Variants in ARID4B observed in about 807,000 individuals in gnomAD.
ARID4B encodes the protein AT-rich interactive domain-containing protein 4B.
Under a neutral mutation model 147.5 loss-of-function variants are expected in ARID4B, and 26 were observed. The observed-to-expected ratio is 0.18, with a 90% CI of 0.13 to 0.24. ARID4B has a LOEUF of 0.24. Ranked by LOEUF, ARID4B falls within the 10% of genes least tolerant of loss-of-function variation. The pLI is 1.00. For missense variants in ARID4B, 1,179 were observed against 1,511.5 expected (o/e 0.78, Z 3.65); for synonymous variants, 512 against 507.9 (o/e 1.01, Z -0.11).
At chr1:235,219,726 A>T (rs1667317630) in intron 16 of ARID4B, 67 bp downstream of exon 16, 1 of 1,294,668 alleles carries the variant, frequency 7.7e-7, no homozygotes, top group Admixed American at 2.4e-5. Context: ...ACATAAACAC[A>T]TACAAAGAGC....
At chr1:235,289,175 G>A (rs558219575) in intron 2 of ARID4B, among the ~76,000 whole-genome samples, 21 of 152,078 alleles carry the variant, frequency 1.4e-4, no homozygotes, top group Non-Finnish European at 2.6e-4. Flanking sequence ...AATTCAAAGT[G>A]ACATAATAAA....
chr1:235,304,346 C>T (rs1305231355), intron 2 of ARID4B, among the ~76,000 whole-genome samples: 1 of 151,562 alleles, frequency 6.6e-6, no homozygotes, highest in East Asian at 2.0e-4. Flanking sequence ...AGACCCTGTC[C>T]CGAAAATAAA....
chr1:235,236,560 C>T (rs563943376), intron 8 of ARID4B, among the ~76,000 whole-genome samples: 76 of 151,108 alleles, frequency 5.0e-4, no homozygotes, highest in Non-Finnish European at 9.3e-4. Flanking sequence ...GTCACTCAGG[C>T]TGGAGTGCTG....
At chr1:235,185,405 T>C (rs933644743) in intron 19 of ARID4B, among the ~76,000 whole-genome samples, 1 of 152,238 alleles carries the variant, frequency 6.6e-6, no homozygotes, top group African/African-American at 2.4e-5. Flanking sequence ...AATTAAGCGT[T>C]GTATCCAATT....
intron 17 of ARID4B, among the ~76,000 whole-genome samples, chr1:235,206,375 C>T (rs1666308677): frequency 6.6e-6 from 1 of 151,982 alleles, no homozygotes; most frequent in Non-Finnish European, 1.5e-5. Context: ...AAGTTATATT[C>T]CAGATCAAAT....
Position 235,310,309 on chromosome 1 carries a change from A to T in ARID4B, c.6+16605T>A, listed in dbSNP as rs528640352. 2.6e-5 allele frequency among the ~76,000 whole-genome samples: 4 copies of T among 152,358 alleles called. No homozygotes were observed. The East Asian group carries it at 7.7e-4, about 29-fold the overall frequency. ...GGTTTGTAAACTACACTTACTATTCAATAAAGCCATCAAAAAGTCACTAAA... is the reference window on the plus strand; with the variant it reads ...GGTTTGTAAACTACACTTACTATTCTATAAAGCCATCAAAAAGTCACTAAA... On this transcript the variant is annotated intron_variant, in intron 2 of 23. Coordinates refer to ENST00000264183, the MANE Select transcript of ARID4B (RefSeq NM_016374.6).
intron 6 of ARID4B, among the ~76,000 whole-genome samples, 173 bp downstream of exon 6, chr1:235,252,557 C>A (rs1669710160): frequency 6.6e-6 from 1 of 152,116 alleles, no homozygotes; most frequent in Non-Finnish European, 1.5e-5. Flanking sequence ...GAAGACAGAA[C>A]CTGGTGCTCA....
intron 19 of ARID4B, among the ~76,000 whole-genome samples, chr1:235,191,531 C>A (rs1481744504): frequency 6.6e-6 from 1 of 152,032 alleles, no homozygotes; most frequent in Non-Finnish European, 1.5e-5. Context: ...GCTGGGATTA[C>A]AGGAGTGAGC....
intron 3 of ARID4B, among the ~76,000 whole-genome samples, chr1:235,257,509 G>A (rs1670056894): frequency 1.3e-5 from 2 of 148,706 alleles, no homozygotes; most frequent in Admixed American, 6.8e-5. Context: ...TTGATACACA[G>A]TCTCACTCTG....
chr1:235,179,173 T>G (rs1664100072), intron 20 of ARID4B, among the ~76,000 whole-genome samples: 1 of 152,032 alleles, frequency 6.6e-6, no homozygotes, highest in African/African-American at 2.4e-5. Flanking sequence ...TGTGATATAG[T>G]GGGGAGTCTC....
At chr1:235,171,732 T>C (rs116606329) in intron 23 of ARID4B, among the ~76,000 whole-genome samples, 4,246 of 152,142 alleles carry the variant, frequency 0.028, 82 homozygotes, top group Non-Finnish European at 0.044. Flanking sequence ...ATCTGCCTCC[T>C]GGGTTTAAGC....
chr1:235,276,769 AG>A lies in ARID4B; in HGVS notation c.7-16018del, dbSNP rs1045180808. On this transcript the variant is annotated intron_variant, in intron 2 of 23. Transcript: ENST00000264183. ...TCCCAGCACTTTGGGAGGCCGAAGC[AG>A]GGGGGATCACCTGAAGTCAGGAGTT... Among the ~76,000 whole-genome samples, 8 of 152,120 alleles carry A rather than the reference AG, an allele frequency of 5.3e-5. No homozygotes were observed. The East Asian group carries it at 1.2e-3, about 22-fold the overall frequency.
intron 2 of ARID4B, among the ~76,000 whole-genome samples, chr1:235,280,721 G>T (rs533828169): frequency 1.3e-5 from 2 of 152,224 alleles, no homozygotes; most frequent in African/African-American, 4.8e-5. Flanking sequence ...GAGCCCACTT[G>T]GTTATGGCAA....
intron 19 of ARID4B, among the ~76,000 whole-genome samples, chr1:235,186,197 G>A (rs370452655): frequency 6.6e-6 from 1 of 152,058 alleles, no homozygotes; most frequent in African/African-American, 2.4e-5. Flanking sequence ...TTGATTTCCT[G>A]ACCTCGTGAT....
At chr1:235,305,999 T>A (rs1673521743) in intron 2 of ARID4B, among the ~76,000 whole-genome samples, 1 of 152,082 alleles carries the variant, frequency 6.6e-6, no homozygotes, top group Non-Finnish European at 1.5e-5. Context: ...AAGAAAAGAC[T>A]GACATATATT....
intron 2 of ARID4B, among the ~76,000 whole-genome samples, chr1:235,299,809 T>C (rs571260077): frequency 4.1e-4 from 63 of 152,208 alleles, no homozygotes; most frequent in Non-Finnish European, 7.8e-4. Flanking sequence ...CTTGAAGCAG[T>C]AGTACTATCT....
At chr1:235,273,336 A>T (rs1671112218) in intron 2 of ARID4B, among the ~76,000 whole-genome samples, 1 of 152,102 alleles carries the variant, frequency 6.6e-6, no homozygotes, top group South Asian at 2.1e-4. Context: ...GAGCCACCGC[A>T]CTCAGCCTAC....
chr1:235,262,259 C>T (rs1298348668), intron 2 of ARID4B, among the ~76,000 whole-genome samples: 1 of 152,106 alleles, frequency 6.6e-6, no homozygotes, highest in Non-Finnish European at 1.5e-5. Context: ...AAACAATATT[C>T]TAGTGCTATA....
At chr1:235,199,689 G>A (rs1172230268) in intron 17 of ARID4B, among the ~76,000 whole-genome samples, 1 of 152,110 alleles carries the variant, frequency 6.6e-6, no homozygotes, top group East Asian at 1.9e-4. Flanking sequence ...GGAAGAAAAG[G>A]AGAAAATAAC....
Sources: gnomAD v4.1 joint callset for allele counts (sites outside exome capture counted in the v4.1 genomes callset) on GRCh38, gnomAD v4.1.1 for gene constraint, MANE v1.5 for transcripts, NCBI Gene and HGNC (gene_info 2026-07-23, HGNC 2026-07-21) for gene names.